Variants in AHCTF1 observed in about 807,000 individuals in gnomAD.
AHCTF1 encodes protein ELYS.
A neutral mutation model predicts 248.4 loss-of-function variants in AHCTF1; 24 were observed. The observed-to-expected ratio is 0.10, with a 90% CI of 0.07 to 0.14. AHCTF1 has a LOEUF of 0.14. Among genes scored for constraint, AHCTF1 ranks in the 10% least tolerant of loss-of-function variants. The pLI is 1.00. For synonymous variants in AHCTF1, 786 were observed against 929.8 expected, an observed-to-expected ratio of 0.85 and a Z score of 2.81; for missense variants, 2,206 against 2,636.2, an observed-to-expected ratio of 0.84 and a Z score of 3.57.
intron 14 of AHCTF1, among the ~76,000 whole-genome samples, chr1:246,892,751 C>G (rs1202434214): frequency 6.6e-6 from 1 of 152,124 alleles, no homozygotes; most frequent in Non-Finnish European, 1.5e-5. Flanking sequence ...CCTAGCTCAG[C>G]CTCCCAAGGA....
At chr1:246,883,645 T>C (rs1663613126) in intron 21 of AHCTF1, among the ~76,000 whole-genome samples, 1 of 152,240 alleles carries the variant, frequency 6.6e-6, no homozygotes, top group African/African-American at 2.4e-5. Flanking sequence ...GAAGTCATTC[T>C]CTATTTACAG....
At chr1:246,882,264 T>G (rs908737717) in intron 21 of AHCTF1, among the ~76,000 whole-genome samples, 3 of 152,186 alleles carry the variant, frequency 2.0e-5, no homozygotes, top group Non-Finnish European at 4.4e-5. Flanking sequence ...CCCAAAGTGC[T>G]GGGATTACAG....
chr1:246,879,386 C>A (rs1663227156), intron 21 of AHCTF1, among the ~76,000 whole-genome samples: 1 of 152,180 alleles, frequency 6.6e-6, no homozygotes, highest in South Asian at 2.1e-4. Context: ...CAAAATTAAA[C>A]TACCAAAATT....
chr1:246,926,596 C>T (rs928893683), intron 1 of AHCTF1, among the ~76,000 whole-genome samples: 1 of 152,224 alleles, frequency 6.6e-6, no homozygotes, highest in African/African-American at 2.4e-5. Flanking sequence ...TGGCTCACAC[C>T]TGTCATCCCA....
Position 246,921,151 on chromosome 1 carries a change from T to C in AHCTF1, c.-7-2774A>G, listed in dbSNP as rs548912398. Among the ~76,000 whole-genome samples the C allele has an allele frequency of 2.0e-5, 3 of 151,680 alleles. No individual in the cohort carries two copies. In the East Asian group the frequency reaches 5.8e-4, roughly 29 times the overall value. ...GCAGAAAATACACGCAAAATGACAT[T>C]TATATAAGGTTAAAAAGACACGCAG... On this transcript the variant is annotated intron_variant, in intron 1 of 35. Transcript: ENST00000648844.
intron 29 of AHCTF1, 150 bp from the exon 30 acceptor site, chr1:246,857,964 C>CTTCT (rs111386980): frequency 0.68 from 336,673 of 491,828 alleles, 95,607 homozygotes; most frequent in Admixed American, 0.79. Flanking sequence ...ACACTTTCTT[C>CTTCT]TTTTTTTTTT....
intron 15 of AHCTF1, 89 bp from the exon 16 acceptor site, chr1:246,891,149 T>C (rs1664184320): frequency 2.8e-6 from 2 of 717,886 alleles, no homozygotes; most frequent in Non-Finnish European, 2.2e-6. Flanking sequence ...GTAATTTACA[T>C]AATTTGTAAA....
In AHCTF1 at chr1:246,860,194, G is replaced by T. The variant is rs867155453; in HGVS notation, c.4132+705C>A. ...AGAACTGCTTGAACCTGGTTGGGGG[G>T]GGGGCGGAGGTTGCAGTGAGCCGAG... On this transcript the variant is annotated intron_variant, in intron 29 of 35. Transcript: ENST00000648844. 7.9e-5 allele frequency among the ~76,000 whole-genome samples: 12 copies of T among 151,820 alleles called. 1 individual carries two copies. The highest frequency in any genetic ancestry group is 1.3e-4 in the Non-Finnish European group (9 of 67,940).
intron 17 of AHCTF1, among the ~76,000 whole-genome samples, chr1:246,889,600 T>G (rs566719147): frequency 6.6e-6 from 1 of 152,002 alleles, no homozygotes; most frequent in Non-Finnish European, 1.5e-5. Flanking sequence ...GGCACAGATT[T>G]TAAAGTACTG....
At chr1:246,895,038 AAG>A (rs1292828489) in intron 13 of AHCTF1, among the ~76,000 whole-genome samples, 2 of 152,192 alleles carry the variant, frequency 1.3e-5, no homozygotes, top group Non-Finnish European at 2.9e-5. Context: ...TAAAAAAAAA[AAG>A]GTCAATTTTT....
At chr1:246,899,645 T>C (rs1017690182) in intron 10 of AHCTF1, 133 bp from the exon 11 acceptor site, 3 of 623,276 alleles carry the variant, frequency 4.8e-6, no homozygotes, top group Admixed American at 7.4e-5. Context: ...AAATAAACTT[T>C]TCTAGGTATT....
intron 2 of AHCTF1, 122 bp from the exon 3 acceptor site, chr1:246,916,517 T>C (rs528135003): frequency 4.5e-6 from 4 of 880,394 alleles, no homozygotes; most frequent in Non-Finnish European, 6.9e-6. Context: ...ATCTCCACAT[T>C]GAAATCTTTT....
chr1:246,889,771 T>TGA (rs1664091191), intron 17 of AHCTF1, among the ~76,000 whole-genome samples, 195 bp downstream of exon 17: 1 of 152,236 alleles, frequency 6.6e-6, no homozygotes, highest in Non-Finnish European at 1.5e-5. Context: ...CTATTACCTT[T>TGA]ACTTCATTTC....
intron 24 of AHCTF1, among the ~76,000 whole-genome samples, chr1:246,872,666 A>C (rs960840181): frequency 2.0e-5 from 3 of 152,200 alleles, no homozygotes; most frequent in African/African-American, 7.2e-5. Flanking sequence ...TATGCCAGGA[A>C]ACTCAAAAAC....
In AHCTF1 at chr1:246,905,599, G is replaced by A; in HGVS notation, c.823C>T (p.Pro275Ser). 6.2e-7 allele frequency: 1 copy of A among 1,612,682 alleles called. No homozygotes were observed. Among genetic ancestry groups the A allele is most frequent in the Non-Finnish European group, 8.5e-7 (1 of 1,179,998 alleles). The part of the protein sequence containing the change: ...VPVYAVTFQE[P>S]ENDPRNCCYL... ...CAGCAATTCCGAGGATCATTCTCAG[G>A]TTCTTGAAAAGTGACAGCATATACA... The change falls in exon 6 of 36, where the codon CCT (proline) becomes TCT (serine). Residue 275 changes from proline to serine, a missense_variant. Transcript: ENST00000648844.
intron 13 of AHCTF1, 65 bp from the exon 14 acceptor site, chr1:246,894,813 T>C (rs1664455236): frequency 7.1e-7 from 1 of 1,410,412 alleles, no homozygotes; most frequent in Admixed American, 1.8e-5. Flanking sequence ...TCTAAATTGT[T>C]GGTGGAGAAG....
In AHCTF1 at chr1:246,850,233, A is replaced by T. The variant is rs753508974; in HGVS notation, c.5773T>A (p.Ser1925Thr). The T allele has an allele frequency of 6.8e-6, 11 of 1,613,756 alleles. No homozygotes were observed. The highest frequency in any genetic ancestry group is 2.7e-5 in the African/African-American group (2 of 74,890). ...TTAATACGCAGCTGCTTGTCACTGG[A>T]TTTATCATCTTGCTTATTTCCTGTA... ...ENTGNKQDDKSSDKQLRIKHV... is the reference protein window; with the variant it reads ...ENTGNKQDDKTSDKQLRIKHV... The change falls in exon 33 of 36, where the codon TCC becomes ACC. Residue 1925 changes from serine to threonine, a missense_variant. By Grantham distance (58) the Ser-to-Thr change is moderately conservative. Coordinates refer to ENST00000648844, the MANE Select transcript of AHCTF1 (RefSeq NM_001323342.2).
At chr1:246,917,797 C>T (rs916299867) in intron 2 of AHCTF1, among the ~76,000 whole-genome samples, 1 of 152,164 alleles carries the variant, frequency 6.6e-6, no homozygotes, top group African/African-American at 2.4e-5. Context: ...TGATGTATTA[C>T]ACAATCTAAG....
At position 246,867,702 on chromosome 1, in the gene AHCTF1, C is replaced by G. The variant is rs774032912; in HGVS notation, c.3198G>C (p.Trp1066Cys). ...TGCTATTTATAGGTTCTTTGCTTGC[C>G]CAAACTTCTCCAATTTTAGATAACA... Reference protein sequence around the residue: ...NNVLSKIGEVWASKEPINSTT... With the variant: ...NNVLSKIGEVCASKEPINSTT... Residue 1066 changes from tryptophan to cysteine, a missense_variant, in exon 25 of 36, where the codon TGG (tryptophan) becomes TGC (cysteine). By Grantham distance (215) the Trp-to-Cys change is radical. Transcript: ENST00000648844. 1.2e-6 allele frequency: 2 copies of G among 1,612,362 alleles called. No individual in the cohort carries two copies. The highest frequency in any genetic ancestry group is 1.9e-4 in the Middle Eastern group (1 of 5,168).
Sources: allele counts gnomAD v4.1 joint callset (sites outside exome capture counted in the v4.1 genomes callset), GRCh38; gene constraint gnomAD v4.1.1; transcripts MANE v1.5; gene names NCBI Gene and HGNC (gene_info 2026-07-23, HGNC 2026-07-21).